SUSD5: variants seen among roughly 807,000 people sequenced by gnomAD.
SUSD5 encodes sushi domain containing 5, also known as sushi domain-containing protein 5.
SUSD5 carries 33 observed loss-of-function variants against 29.5 expected under a neutral mutation model. The ratio of observed to expected loss-of-function variants is 1.12; its 90% CI spans 0.85 to 1.49. The LOEUF (loss-of-function observed/expected upper bound fraction) is 1.49, where lower values mean the gene tolerates loss of function less well. Among genes scored for constraint, SUSD5 ranks in the 40% most tolerant of loss-of-function variants. The pLI is 0.00. For synonymous variants in SUSD5, 308 were observed against 325.3 expected, an observed-to-expected ratio of 0.95 and a Z score of 0.57; for missense variants, 776 against 800.6, an observed-to-expected ratio of 0.97 and a Z score of 0.37.
chr3:33,152,569 G>GCCT lies in SUSD5; in HGVS notation c.*170_*172dup. ...TGACATGAGTGATGATGTCACCAAAGCCTCCCTGCCCTCCCAGGTGCTCCA... is the reference window on the plus strand; with the variant it reads ...TGACATGAGTGATGATGTCACCAAAGCCTCCTCCCTGCCCTCCCAGGTGCTCCA... On this transcript the variant is annotated 3_prime_UTR_variant, in exon 5 of 5. Coordinates refer to ENST00000309558, the MANE Select transcript of SUSD5 (RefSeq NM_015551.2). The GCCT allele has an allele frequency of 1.5e-6, 1 of 667,232 alleles. No individual in the cohort carries two copies. The highest frequency in any genetic ancestry group is 3.1e-5 in the Admixed American group (1 of 32,656). 41.3% of individuals were successfully genotyped at this position (667,232 alleles called of 1,614,324 possible).
intron 3 of SUSD5, among the ~76,000 whole-genome samples, chr3:33,188,103 C>T (rs555817631): frequency 2.0e-5 from 3 of 152,262 alleles, no homozygotes; most frequent in Non-Finnish European, 4.4e-5. Flanking sequence ...ATTTATTTCA[C>T]TCATTTTTCA....
chr3:33,152,949 C>T lies in SUSD5; in HGVS notation c.1683G>A (p.Ser561=), dbSNP rs765117390. Residue 561 remains serine, a synonymous_variant, in exon 5 of 5, where the codon TCG becomes TCA. Coordinates refer to ENST00000309558, the MANE Select transcript of SUSD5 (RefSeq NM_015551.2). The part of the protein sequence containing the change: ...ASEELHPTLE[S]CVGDGCPGLS... ...GGCCAGGACATCCGTCCCCCACACACGACTCCAAGGTGGGATGAAGCTCCT... is the reference window on the plus strand; with the variant it reads ...GGCCAGGACATCCGTCCCCCACACATGACTCCAAGGTGGGATGAAGCTCCT... 14 of 1,613,846 alleles carry T rather than the reference C, an allele frequency of 8.7e-6. No homozygotes were observed. The highest frequency in any genetic ancestry group is 4.0e-5 in the African/African-American group (3 of 74,940).
At chr3:33,212,439 G>C (rs2032339394) in intron 2 of SUSD5, among the ~76,000 whole-genome samples, 2 of 152,136 alleles carry the variant, frequency 1.3e-5, no homozygotes, top group African/African-American at 4.8e-5. Context: ...ATTTCTCCTA[G>C]CTGGCCATAA....
intron 3 of SUSD5, among the ~76,000 whole-genome samples, chr3:33,199,296 C>T (rs550675737): frequency 2.3e-4 from 35 of 151,688 alleles, no homozygotes; most frequent in Middle Eastern, 6.8e-3. Context: ...TTTTTTGAGA[C>T]GGAGTCTCGC....
intron 4 of SUSD5, 31 bp from the exon 5 acceptor site, chr3:33,154,064 G>T: frequency 6.6e-7 from 1 of 1,522,090 alleles, no homozygotes; most frequent in Non-Finnish European, 8.8e-7. Flanking sequence ...AACCTCATTA[G>T]CTCCAAAGGC....
intron 3 of SUSD5, among the ~76,000 whole-genome samples, chr3:33,183,442 C>T (rs550074796): frequency 6.6e-6 from 1 of 151,258 alleles, no homozygotes; most frequent in South Asian, 2.1e-4. Flanking sequence ...TAGTTGTTGC[C>T]CTGGTGGTTG....
At chr3:33,217,983 G>A (rs1383852989) in intron 1 of SUSD5, among the ~76,000 whole-genome samples, 3 of 152,124 alleles carry the variant, frequency 2.0e-5, no homozygotes, top group Admixed American at 6.5e-5. Flanking sequence ...CTCATTTTAG[G>A]GCAAGTATTA....
At chr3:33,164,208 A>C (rs2031256682) in intron 4 of SUSD5, among the ~76,000 whole-genome samples, 1 of 152,180 alleles carries the variant, frequency 6.6e-6, no homozygotes, top group Admixed American at 6.5e-5. Context: ...ATAGATATAT[A>C]GTTTCCTTTA....
Position 33,204,482 on chromosome 3 carries a change from G to A in SUSD5, c.409+3326C>T, listed in dbSNP as rs568501276. Reference sequence around the variant, plus strand: ...ACGACAGGTGCCCACTACCACACCCGGCTAATTTTTTTGTATTTTTAGTAG... The same window carrying A: ...ACGACAGGTGCCCACTACCACACCCAGCTAATTTTTTTGTATTTTTAGTAG... On this transcript the variant is annotated intron_variant, in intron 3 of 4. Transcript: ENST00000309558. This position sits in a 1 kb window ranked among gnomAD's most constrained non-coding sequence, Gnocchi z 4.5. Among the ~76,000 whole-genome samples the A allele has an allele frequency of 2.6e-5, 4 of 151,318 alleles. No individual in the cohort carries two copies. The highest frequency in any genetic ancestry group is 6.6e-5 in the Admixed American group (1 of 15,198).
At chr3:33,188,451 A>T (rs1455584781) in intron 3 of SUSD5, among the ~76,000 whole-genome samples, 6 of 152,112 alleles carry the variant, frequency 3.9e-5, no homozygotes, top group African/African-American at 1.4e-4. Context: ...ACACTCCTCT[A>T]CATCAGTGGT....
At chr3:33,170,003 C>T (rs982312067) in intron 4 of SUSD5, among the ~76,000 whole-genome samples, 14 of 151,932 alleles carry the variant, frequency 9.2e-5, no homozygotes, top group Non-Finnish European at 1.9e-4. Context: ...CTGCAACCTC[C>T]GCCTCCCGGG....
chr3:33,171,680 T>C (rs1361830136), intron 4 of SUSD5, among the ~76,000 whole-genome samples: 1 of 152,192 alleles, frequency 6.6e-6, no homozygotes, highest in Non-Finnish European at 1.5e-5. Flanking sequence ...CTGTATGCAC[T>C]GCAGCGTGGC....
chr3:33,205,194 A>G (rs564984979), intron 3 of SUSD5, among the ~76,000 whole-genome samples: 1 of 152,344 alleles, frequency 6.6e-6, no homozygotes, highest in South Asian at 2.1e-4. Flanking sequence ...AAACGTTGAT[A>G]CAATACTATT....
intron 2 of SUSD5, among the ~76,000 whole-genome samples, chr3:33,210,257 T>C (rs1250288921): frequency 6.6e-6 from 1 of 152,220 alleles, no homozygotes; most frequent in Non-Finnish European, 1.5e-5. Context: ...TATTTGAAGA[T>C]GTGCTGCTTC....
intron 3 of SUSD5, among the ~76,000 whole-genome samples, chr3:33,176,337 T>C (rs920716491): frequency 3.9e-5 from 6 of 152,362 alleles, no homozygotes; most frequent in African/African-American, 7.2e-5. Flanking sequence ...TGAACATTAG[T>C]TTCTGGTTCA....
chr3:33,195,153 C>T (rs1210260669), intron 3 of SUSD5, among the ~76,000 whole-genome samples: 1 of 152,170 alleles, frequency 6.6e-6, no homozygotes, highest in African/African-American at 2.4e-5. Flanking sequence ...CGAGACTGTG[C>T]CACTGCACTC....
chr3:33,200,882 G>T (rs2032103851), intron 3 of SUSD5, among the ~76,000 whole-genome samples: 1 of 152,176 alleles, frequency 6.6e-6, no homozygotes, highest in Non-Finnish European at 1.5e-5. Flanking sequence ...TTAATATTTG[G>T]TTGAGGAAAT....
intron 3 of SUSD5, among the ~76,000 whole-genome samples, chr3:33,187,346 G>C (rs1009945967): frequency 1.3e-5 from 2 of 152,150 alleles, no homozygotes; most frequent in South Asian, 2.1e-4. Flanking sequence ...CAGGAAAACC[G>C]CAATAATGCT....
intron 3 of SUSD5, among the ~76,000 whole-genome samples, chr3:33,199,014 A>T (rs868285893): frequency 1.3e-4 from 20 of 152,332 alleles, no homozygotes; most frequent in Middle Eastern, 3.4e-3. Flanking sequence ...CGTAAAAGAT[A>T]AAAGATAGGC....
Sources: allele counts gnomAD v4.1 joint callset (sites outside exome capture counted in the v4.1 genomes callset), GRCh38; gene constraint gnomAD v4.1.1; non-coding constraint Gnocchi (gnomAD v3.1); transcripts MANE v1.5; gene names NCBI Gene and HGNC (gene_info 2026-07-23, HGNC 2026-07-21).